NEBL: variants seen among roughly 807,000 people sequenced by gnomAD.
The protein encoded by NEBL is LIM and SH3 protein 2.
Under a neutral mutation model 140.2 loss-of-function variants are expected in NEBL, and 122 were observed. The observed-to-expected ratio is 0.87, with a 90% CI of 0.75 to 1.01. The LOEUF (loss-of-function observed/expected upper bound fraction) is 1.01. Among genes scored for constraint, NEBL ranks in the 50% least tolerant of loss-of-function variants. The pLI, the probability that NEBL is intolerant of heterozygous loss-of-function variation, is 0.00. For missense variants in NEBL, 1,365 were observed against 1,231.3 expected, an observed-to-expected ratio of 1.11 and a Z score of -1.62; for synonymous variants, 436 against 398.9, an observed-to-expected ratio of 1.09 and a Z score of -1.11.
chr10:21,137,938 AAAGGG>A (rs199866448), intron 2 of NEBL, among the ~76,000 whole-genome samples: 43 of 149,030 alleles, frequency 2.9e-4, no homozygotes, highest in East Asian at 9.9e-4. Context: ...AAAAAAAAGG[AAAGGG>A]AAGGGAAGGG....
At position 21,214,503 on chromosome 10, in the gene NEBL, CACACACAT is replaced by C. The variant is rs200299154; in HGVS notation, n.348+33410_348+33417del. ...CACACACGCGCACATTACACACATG[CACACACAT>C]GCACACATGCACATTACACACACAT... On this transcript the variant is annotated intron_variant and non_coding_transcript_variant, in intron 3 of 8. Coordinates refer to the NEBL transcript ENST00000675702. Among the ~76,000 whole-genome samples, 159 of 151,488 alleles carry C rather than the reference CACACACAT, an allele frequency of 1.0e-3. 1 individual carries two copies. In the East Asian group the frequency reaches 0.029, roughly 28 times the overall value.
At chr10:21,062,417 T>C (rs1360117686) in intron 2 of NEBL, among the ~76,000 whole-genome samples, 14 of 152,026 alleles carry the variant, frequency 9.2e-5, no homozygotes, top group Admixed American at 9.2e-4. Context: ...TCCCAGCACT[T>C]TGGGAGGCGG....
At chr10:21,080,574 T>C (rs1301186975) in intron 2 of NEBL, among the ~76,000 whole-genome samples, 2 of 152,210 alleles carry the variant, frequency 1.3e-5, no homozygotes, top group African/African-American at 2.4e-5. Flanking sequence ...GATAAGCATA[T>C]ACATAAATCA....
intron 1 of NEBL, among the ~76,000 whole-genome samples, chr10:21,274,322 C>T (rs1356900507): frequency 6.6e-6 from 1 of 152,226 alleles, no homozygotes; most frequent in Non-Finnish European, 1.5e-5. Flanking sequence ...AGCTTAACTA[C>T]TAATGTCCTG....
intron 2 of NEBL, among the ~76,000 whole-genome samples, chr10:21,109,959 T>C (rs1296009056): frequency 1.3e-5 from 2 of 152,226 alleles, no homozygotes; most frequent in African/African-American, 4.8e-5. Flanking sequence ...AACCAGCTCC[T>C]GGATTCATTG....
At chr10:20,896,869 A>T in intron 2 of NEBL, 89 bp downstream of exon 2, 2 of 1,114,192 alleles carry the variant, frequency 1.8e-6, no homozygotes, top group Non-Finnish European at 2.8e-6. Context: ...AGGTGATTTC[A>T]GGGTTTCCCC....
intron 2 of NEBL, among the ~76,000 whole-genome samples, chr10:21,085,797 T>C (rs554329243): frequency 6.6e-6 from 1 of 152,292 alleles, no homozygotes; most frequent in East Asian, 1.9e-4. Context: ...TATATAAATG[T>C]AGGACCTCAT....
chr10:21,272,293 TAAAC>T (rs1842870611), intron 1 of NEBL, among the ~76,000 whole-genome samples: 1 of 151,916 alleles, frequency 6.6e-6, no homozygotes, highest in African/African-American at 2.4e-5. Flanking sequence ...GTGTCAAAAA[TAAAC>T]AAATACACCT....
At chr10:20,833,226 G>A (rs1194064298) in intron 14 of NEBL, among the ~76,000 whole-genome samples, 1 of 152,196 alleles carries the variant, frequency 6.6e-6, no homozygotes, top group Non-Finnish European at 1.5e-5. Context: ...ATGCAGAAGT[G>A]TGTTTATAGT....
At chr10:21,245,462 G>T (rs546217311) in intron 3 of NEBL, among the ~76,000 whole-genome samples, 1 of 152,182 alleles carries the variant, frequency 6.6e-6, no homozygotes, top group Admixed American at 6.6e-5. Context: ...TGCCCCGGTA[G>T]GGAAGTAGGG....
At chr10:21,019,364 C>T (rs1838687698) in intron 3 of NEBL, among the ~76,000 whole-genome samples, 1 of 152,256 alleles carries the variant, frequency 6.6e-6, no homozygotes, top group Non-Finnish European at 1.5e-5. Flanking sequence ...AACCACCTAG[C>T]CTCCCCTGCC....
intron 7 of NEBL, among the ~76,000 whole-genome samples, chr10:20,864,829 G>A (rs1328568135): frequency 6.6e-6 from 1 of 152,084 alleles, no homozygotes; most frequent in Non-Finnish European, 1.5e-5. Context: ...GGAATACACT[G>A]AGTTCATCCC....
intron 3 of NEBL, among the ~76,000 whole-genome samples, chr10:21,013,138 C>T (rs1424234410): frequency 6.6e-6 from 1 of 152,136 alleles, no homozygotes; most frequent in Non-Finnish European, 1.5e-5. Flanking sequence ...TGAGTGGAAT[C>T]GCAAAGGTTG....
chr10:20,978,865 T>C (rs1241399972), intron 3 of NEBL, among the ~76,000 whole-genome samples: 1 of 152,126 alleles, frequency 6.6e-6, no homozygotes, highest in Non-Finnish European at 1.5e-5. Context: ...TCTCCATATC[T>C]ACCCCTAGAA....
intron 2 of NEBL, among the ~76,000 whole-genome samples, chr10:21,051,047 G>A (rs1834755620): frequency 6.6e-6 from 1 of 152,000 alleles, no homozygotes; most frequent in African/African-American, 2.4e-5. Context: ...TTCTTCTTTA[G>A]AAGAAATTAT....
chr10:21,152,726 GA>G (rs76011673), intron 2 of NEBL, among the ~76,000 whole-genome samples: 6,498 of 152,174 alleles, frequency 0.043, 260 homozygotes, highest in East Asian at 0.2. Context: ...CTGAATTTAA[GA>G]ACCTCAGAAC....
Position 20,859,712 on chromosome 10 carries a change from C to T in NEBL, c.798+1G>A, listed in dbSNP as rs746179839. On this transcript the variant is annotated splice_donor_variant, in intron 8 of 27. Coordinates refer to ENST00000377122, the MANE Select transcript of NEBL (RefSeq NM_006393.3). LOFTEE classifies it high-confidence loss of function. ...ATAATTTTCTATGAATTACAACTTA[C>T]ATTGCTCGCCAGTGTAGCAGCAAGC... 1.0e-5 allele frequency: 16 copies of T among 1,553,154 alleles called. No homozygotes were observed. In the Admixed American group the frequency reaches 2.4e-4, roughly 23 times the overall value.
chr10:21,228,516 C>T (rs1298851259), intron 3 of NEBL, among the ~76,000 whole-genome samples: 2 of 152,052 alleles, frequency 1.3e-5, no homozygotes, highest in Admixed American at 1.3e-4. Flanking sequence ...CCATCTTGCT[C>T]CCTGGCAGAT....
In NEBL at chr10:21,154,296, T is replaced by C. The variant is rs1335870761; in HGVS notation, c.164+18087A>G. On this transcript the variant is annotated intron_variant, in intron 2 of 6. Coordinates refer to the NEBL transcript ENST00000417816. ...CAACATGGTGAAACCCTCTCTCTAC[T>C]AAAAATACAAAAATTAGCCAAGCAT... Among the ~76,000 whole-genome samples, 3 of 151,836 alleles carry C rather than the reference T, an allele frequency of 2.0e-5. No homozygotes were observed. In the East Asian group the frequency reaches 5.9e-4, roughly 30 times the overall value.
Sources: gnomAD v4.1 joint callset for allele counts (sites outside exome capture counted in the v4.1 genomes callset) on GRCh38, gnomAD v4.1.1 for gene constraint, MANE v1.5 for transcripts, NCBI Gene and HGNC (gene_info 2026-07-23, HGNC 2026-07-21) for gene names.